The following TBC1D16 variants were observed in gnomAD, a reference collection of about 807,000 sequenced individuals.
TBC1D16 encodes the protein TBC1 domain family member 16, also known as CTD-2529O21.1.
In TBC1D16, 58 loss-of-function variants were observed where a neutral mutation model predicts 74.7. The observed-to-expected ratio is 0.78, with a 90% CI of 0.63 to 0.97. The LOEUF (loss-of-function observed/expected upper bound fraction) is 0.97. Ranked by LOEUF, TBC1D16 falls within the 50% of genes least tolerant of loss-of-function variation. TBC1D16 has a pLI of 0.00. For synonymous variants in TBC1D16, 493 were observed against 474.7 expected (o/e 1.04, Z -0.50); for missense variants, 1,014 against 1,079.5 (o/e 0.94, Z 0.85).
At position 79,969,386 on chromosome 17, in the gene TBC1D16, A is replaced by C. The variant is rs2120455; in HGVS notation, c.780-16568T>G. On this transcript the variant is annotated intron_variant, in intron 3 of 11. Coordinates refer to ENST00000310924, the MANE Select transcript of TBC1D16 (RefSeq NM_019020.4). ...GGGCAACAGAGTGAGACTCCATCTC[A>C]AAACAAACAAACAAAAAGAAATACA... Among the ~76,000 whole-genome samples, 1,118 of 152,074 alleles carry C rather than the reference A, an allele frequency of 7.4e-3. 10 individuals carry two copies. Among genetic ancestry groups the C allele is most frequent in the Middle Eastern group, 0.024 (7 of 294 alleles).
At position 80,013,458 on chromosome 17, in the gene TBC1D16, G is replaced by A. The variant is rs763380569; in HGVS notation, c.90C>T (p.Pro30=). 2 of 1,601,020 alleles carry A rather than the reference G, an allele frequency of 1.2e-6. No homozygotes were observed. Among genetic ancestry groups the A allele is most frequent in the Non-Finnish European group, 1.7e-6 (2 of 1,174,458 alleles). Residue 30 remains proline, a synonymous_variant, in exon 2 of 12, where the codon CCC becomes CCT. Coordinates refer to ENST00000310924, the MANE Select transcript of TBC1D16 (RefSeq NM_019020.4). The part of the protein sequence containing the change: ...LTPGGSGSGS[P]SVLDGEIIYS... Reference sequence around the variant, plus strand: ...AGATGATCTCTCCATCCAGGACAGAGGGGGACCCGCTGCCGCTGCCACCGG... The same window carrying A: ...AGATGATCTCTCCATCCAGGACAGAAGGGGACCCGCTGCCGCTGCCACCGG...
At position 79,950,372 on chromosome 17, in the gene TBC1D16, G is replaced by T; in HGVS notation, c.1257+39C>A. The T allele has an allele frequency of 6.5e-7, 1 of 1,549,422 alleles. No individual in the cohort carries two copies. Reference sequence around the variant, plus strand: ...TCTCGCTCGTTCCCGGTTCCCGGCCGGCTCTCCGCGGGGCCAGCTGGGCGG... The same window carrying T: ...TCTCGCTCGTTCCCGGTTCCCGGCCTGCTCTCCGCGGGGCCAGCTGGGCGG... On this transcript the variant is annotated intron_variant, in intron 6 of 11. Coordinates refer to ENST00000310924, the MANE Select transcript of TBC1D16 (RefSeq NM_019020.4). This position sits in a 1 kb window ranked among gnomAD's most constrained non-coding sequence, Gnocchi z 4.6.
Position 79,933,300 on chromosome 17 carries a change from G to A in TBC1D16, c.*7559C>T, listed in dbSNP as rs975138588. Reference sequence around the variant, plus strand: ...TTCTATGTTGGGGGGGATACTGAGGGTCCGTCTCACTGGGACGAAGAGGGG... The same window carrying A: ...TTCTATGTTGGGGGGGATACTGAGGATCCGTCTCACTGGGACGAAGAGGGG... On this transcript the variant is annotated 3_prime_UTR_variant, in exon 12 of 12. Coordinates refer to ENST00000310924, the MANE Select transcript of TBC1D16 (RefSeq NM_019020.4). 2.0e-5 allele frequency: 3 copies of A among 152,022 alleles called. No homozygotes were observed. The highest frequency in any genetic ancestry group is 2.9e-5 in the Non-Finnish European group (2 of 68,044). 9.4% of individuals were successfully genotyped at this position (152,022 alleles called of 1,614,324 possible).
rs71959726 is a variant in TBC1D16 at position 79,936,909 on chromosome 17, C to CGTGT, written c.*3946_*3949dup. Reference sequence around the variant, plus strand: ...GTGCATGCGTGCGTGTGTGCATGTGCGTGTGTGTGTGTGTGTGTGTGTGTG... The same window carrying CGTGT: ...GTGCATGCGTGCGTGTGTGCATGTGCGTGTGTGTGTGTGTGTGTGTGTGTGTGTG... On this transcript the variant is annotated 3_prime_UTR_variant, in exon 12 of 12. Coordinates refer to ENST00000310924, the MANE Select transcript of TBC1D16 (RefSeq NM_019020.4). The CGTGT allele has an allele frequency of 0.16, 19,211 of 122,024 alleles. 1,479 individuals carry two copies. Among genetic ancestry groups the CGTGT allele is most frequent in the Non-Finnish European group, 0.21 (11,192 of 52,226 alleles). The allele number at this position is 122,024 out of a possible 1,614,324, so 7.6% of individuals were successfully genotyped here. A position where few individuals can be genotyped will look rare whatever the true frequency, so the allele number is the denominator to read the frequency against.
intron 9 of TBC1D16, among the ~76,000 whole-genome samples, chr17:79,946,775 C>T (rs1222207039): frequency 1.3e-5 from 2 of 152,210 alleles, no homozygotes; most frequent in African/African-American, 2.4e-5. Context: ...ACTGGGACTG[C>T]TCTGCTCAGC....
chr17:79,965,241 G>A (rs1047092854), intron 3 of TBC1D16, among the ~76,000 whole-genome samples: 29 of 151,916 alleles, frequency 1.9e-4, no homozygotes, highest in South Asian at 1.0e-3. Flanking sequence ...CACCACGCCC[G>A]GCTAATTTTT....
chr17:79,945,479 C>A (rs1022310775), intron 9 of TBC1D16, among the ~76,000 whole-genome samples: 7 of 152,196 alleles, frequency 4.6e-5, no homozygotes, highest in African/African-American at 1.2e-4. Context: ...GGAGCCCCCC[C>A]ACCCCTCTTC....
intron 3 of TBC1D16, among the ~76,000 whole-genome samples, chr17:79,963,087 C>A (rs1054222837): frequency 6.6e-6 from 1 of 150,990 alleles, no homozygotes; most frequent in Admixed American, 6.6e-5. Context: ...TGGTGGTGGG[C>A]GCCTATAATC....
chr17:79,951,590 C>A lies in TBC1D16; in HGVS notation c.949G>T (p.Ala317Ser). 1 of 1,613,332 alleles carries A rather than the reference C, an allele frequency of 6.2e-7. No individual in the cohort carries two copies. The highest frequency in any genetic ancestry group is 8.5e-7 in the Non-Finnish European group (1 of 1,179,694). ...RSLRLFFSDE[A>S]CTSGQLVVAS... ...ACGACCAGCTGGCCGCTGGTGCAGG[C>A]CTCGTCGCTGAAGGGCCATTGGAAG... Residue 317 changes from alanine (A) to serine (S), a missense_variant, in exon 5 of 12, where the codon GCC (alanine) becomes TCC (serine). By Grantham distance (99) the Ala-to-Ser change is moderately conservative (BLOSUM62 1). Transcript: ENST00000310924.
At chr17:80,020,453 C>A (rs982544378) in intron 1 of TBC1D16, among the ~76,000 whole-genome samples, 1 of 149,220 alleles carries the variant, frequency 6.7e-6, no homozygotes, top group African/African-American at 2.6e-5. Flanking sequence ...AGCGTAGGGG[C>A]GGGTGCCTGT....
At position 80,028,162 on chromosome 17, in the gene TBC1D16, G is replaced by T. The variant is rs998436378; in HGVS notation, c.-63+7633C>A. On this transcript the variant is annotated intron_variant, in intron 1 of 11. Transcript: ENST00000310924. ...GATAGCAATGCCAACTTGGCAGTTG[G>T]CACAAAGAATTCACAGATGGATTGA... is the stretch of plus-strand genomic sequence containing the variant. Among the ~76,000 whole-genome samples, 6 of 151,914 alleles carry T rather than the reference G, an allele frequency of 3.9e-5. No homozygotes were observed. The East Asian group carries it at 9.7e-4, about 24-fold the overall frequency.
At position 79,936,775 on chromosome 17, in the gene TBC1D16, T is replaced by G. The variant is rs1598299052; in HGVS notation, c.*4084A>C. The G allele has an allele frequency of 6.6e-6, 1 of 152,332 alleles. No individual in the cohort carries two copies. Among genetic ancestry groups the G allele is most frequent in the East Asian group, 1.9e-4 (1 of 5,174 alleles). The allele number at this position is 152,332 out of a possible 1,614,324, so 9.4% of individuals were successfully genotyped here. On this transcript the variant is annotated 3_prime_UTR_variant, in exon 12 of 12. Coordinates refer to ENST00000310924, the MANE Select transcript of TBC1D16 (RefSeq NM_019020.4). ...GCTTAGAAACAAGGGACGAAGTGGA[T>G]CCTGAGGCTCATTCCCTGGGGACTC...
At chr17:79,978,781 T>C (rs1377289813) in intron 3 of TBC1D16, among the ~76,000 whole-genome samples, 2 of 152,208 alleles carry the variant, frequency 1.3e-5, no homozygotes, top group African/African-American at 4.8e-5. Context: ...CAGGAATCAT[T>C]TGTTTTTCTT....
intron 3 of TBC1D16, among the ~76,000 whole-genome samples, chr17:79,970,833 C>G (rs545152656): frequency 7.3e-6 from 1 of 137,272 alleles, no homozygotes; most frequent in African/African-American, 2.8e-5. Flanking sequence ...AGTCCTTGTA[C>G]GAGTCCCAGT....
In TBC1D16 at chr17:79,980,041, A is replaced by T. The variant is rs2034513775; in HGVS notation, c.780-27223T>A. Among the ~76,000 whole-genome samples, 1 of 151,926 alleles carries T rather than the reference A, an allele frequency of 6.6e-6. No individual in the cohort carries two copies. The highest frequency in any genetic ancestry group is 2.1e-4 in the South Asian group (1 of 4,818). On this transcript the variant is annotated intron_variant, in intron 3 of 11. Coordinates refer to ENST00000310924, the MANE Select transcript of TBC1D16 (RefSeq NM_019020.4). This position sits in a 1 kb window ranked among gnomAD's most constrained non-coding sequence, Gnocchi z 7.0. The stretch of plus-strand genomic sequence containing the variant: ...GACCCTCTGGGCAGCCCATCCTTGC[A>T]CCTGGAGGAGCAGCTCACCGTGCCG...
intron 3 of TBC1D16, among the ~76,000 whole-genome samples, chr17:79,973,076 C>T (rs1278514037): frequency 6.6e-6 from 1 of 151,978 alleles, no homozygotes; most frequent in South Asian, 2.1e-4. Context: ...AGCGAGACTT[C>T]GTCTCAAAAC....
chr17:80,015,992 C>T (rs891462703), intron 1 of TBC1D16, among the ~76,000 whole-genome samples: 6 of 120,244 alleles, frequency 5.0e-5, no homozygotes, highest in Non-Finnish European at 8.1e-5. Flanking sequence ...GCCTGGGTGA[C>T]AGAGCGAGAC....
At position 79,944,937 on chromosome 17, in the gene TBC1D16, T is replaced by G; in HGVS notation, c.1879A>C (p.Ile627Leu). 2 of 1,552,550 alleles carry G rather than the reference T, an allele frequency of 1.3e-6. No homozygotes were observed. Among genetic ancestry groups the G allele is most frequent in the South Asian group, 2.4e-5 (2 of 84,158 alleles). Residue 627 changes from isoleucine (I) to leucine (L), a missense_variant, in exon 10 of 12, where the codon ATC becomes CTC. Physicochemically the swap from Ile to Leu is conservative, Grantham distance 5. Coordinates refer to ENST00000310924, the MANE Select transcript of TBC1D16 (RefSeq NM_019020.4). This position sits in a 1 kb window ranked among gnomAD's most constrained non-coding sequence, Gnocchi z 7.7. ...TAGTGGGCCCAGCAGGCCTCCCAGA[T>G]CCGCAGCGCTTCGGCCTCGGGGAAC... Reference protein sequence around the residue: ...REFPEAEALRIWEACWAHYQT... With the variant: ...REFPEAEALRLWEACWAHYQT...
rs912696699 is a variant in TBC1D16 at position 79,971,632 on chromosome 17, T to C, written c.780-18814A>G. On this transcript the variant is annotated intron_variant, in intron 3 of 11. Coordinates refer to ENST00000310924, the MANE Select transcript of TBC1D16 (RefSeq NM_019020.4). The surrounding 1 kb of genome is among the most constrained non-coding windows in gnomAD (Gnocchi z 4.6). ...AAGAGTCTTTAACGTATTCTTCAAC[T>C]TGACTCATAAAAGTAGAGTCAATCA... is the stretch of plus-strand genomic sequence containing the variant. Among the ~76,000 whole-genome samples the C allele has an allele frequency of 6.6e-6, 1 of 152,214 alleles. No homozygotes were observed. Among genetic ancestry groups the C allele is most frequent in the African/African-American group, 2.4e-5 (1 of 41,448 alleles).
Sources: gnomAD v4.1 joint callset for allele counts (sites outside exome capture counted in the v4.1 genomes callset) on GRCh38, gnomAD v4.1.1 for gene constraint, Gnocchi (gnomAD v3.1) non-coding constraint, MANE v1.5 for transcripts, NCBI Gene and HGNC (gene_info 2026-07-23, HGNC 2026-07-21) for gene names.